PIEZO2: variants seen among roughly 807,000 people sequenced by gnomAD.
PIEZO2 encodes piezo-type mechanosensitive ion channel component 2.
In PIEZO2, 172 loss-of-function variants were observed where a neutral mutation model predicts 337.3. The observed-to-expected ratio is 0.51, with a 90% CI of 0.45 to 0.58. The LOEUF (loss-of-function observed/expected upper bound fraction) is 0.58, where lower values mean the gene tolerates loss of function less well. Among genes scored for constraint, PIEZO2 ranks in the 20% least tolerant of loss-of-function variants. The probability of loss-of-function intolerance (pLI) is 0.00; values close to 1 mark genes in which losing one functional copy is unlikely to be tolerated. For missense variants in PIEZO2, 3,028 were observed against 3,391.3 expected, an observed-to-expected ratio of 0.89 and a Z score of 2.66; for synonymous variants, 1,251 against 1,228.5, an observed-to-expected ratio of 1.02 and a Z score of -0.38.
intron 28 of PIEZO2, among the ~76,000 whole-genome samples, chr18:10,751,395 T>C (rs1453055663): frequency 6.6e-6 from 1 of 152,198 alleles, no homozygotes; most frequent in Non-Finnish European, 1.5e-5. Context: ...CAGAGTTCTG[T>C]TGTCCTGTCT....
chr18:10,782,348 A>G (rs1475026706), intron 17 of PIEZO2, among the ~76,000 whole-genome samples: 12 of 59,440 alleles, frequency 2.0e-4, no homozygotes, highest in African/African-American at 1.2e-3. Context: ...TAATTATAAT[A>G]TATTATAATT....
intron 49 of PIEZO2, among the ~76,000 whole-genome samples, chr18:10,689,079 A>G (rs183908638): frequency 2.5e-3 from 386 of 152,320 alleles, no homozygotes; most frequent in African/African-American, 8.8e-3. Context: ...AAGACATTTC[A>G]TATCACCCCA....
Position 10,819,351 on chromosome 18 carries a change from C to T in PIEZO2, c.918-12077G>A, listed in dbSNP as rs990933275. ...TTCTTAAAGTGTACATTTTCTCTTTCATTATTCTAATGAATATCTATTCAA... is the reference window on the plus strand; with the variant it reads ...TTCTTAAAGTGTACATTTTCTCTTTTATTATTCTAATGAATATCTATTCAA... On this transcript the variant is annotated intron_variant, in intron 7 of 55. Coordinates refer to ENST00000674853, the MANE Select transcript of PIEZO2 (RefSeq NM_001378183.1). This position sits in a 1 kb window ranked among gnomAD's most constrained non-coding sequence, Gnocchi z 4.3. Among the ~76,000 whole-genome samples the T allele has an allele frequency of 8.5e-5, 13 of 152,174 alleles. No homozygotes were observed. Among genetic ancestry groups the T allele is most frequent in the African/African-American group, 2.9e-4 (12 of 41,512 alleles).
chr18:10,770,284 A>C lies in PIEZO2; in HGVS notation c.2810T>G (p.Val937Gly), dbSNP rs1403190542. Residue 937 changes from valine (V) to glycine (G), a missense_variant, in exon 21 of 56, where the codon GTG becomes GGG. Coordinates refer to ENST00000674853, the MANE Select transcript of PIEZO2 (RefSeq NM_001378183.1). Reference protein sequence around the residue: ...TSDLRNKWHLVIDRLTVLFLK... With the variant: ...TSDLRNKWHLGIDRLTVLFLK... ...GAAGAGCACAGTGAGGCGGTCAATC[A>C]CCAGGTGCCATTTGTTCCTTAAGTC... 6.5e-7 allele frequency: 1 copy of C among 1,537,672 alleles called. No individual in the cohort carries two copies. The highest frequency in any genetic ancestry group is 8.7e-7 in the Non-Finnish European group (1 of 1,146,964).
At chr18:10,991,805 A>G (rs1350473995) in intron 2 of PIEZO2, among the ~76,000 whole-genome samples, 6 of 152,160 alleles carry the variant, frequency 3.9e-5, no homozygotes, top group Non-Finnish European at 5.9e-5. Flanking sequence ...GAATTGCCAC[A>G]CTGTCTTCCA....
At chr18:11,043,389 G>A (rs1002828745) in intron 2 of PIEZO2, among the ~76,000 whole-genome samples, 9 of 152,136 alleles carry the variant, frequency 5.9e-5, no homozygotes, top group African/African-American at 2.2e-4. Flanking sequence ...TGGTATAAAT[G>A]TCCCACGTAT....
intron 38 of PIEZO2, 84 bp from the exon 39 acceptor site, chr18:10,715,014 T>C: frequency 7.5e-7 from 1 of 1,341,782 alleles, no homozygotes; most frequent in Non-Finnish European, 1.0e-6. Flanking sequence ...CAGACAGCTT[T>C]TCATACCCAT....
In PIEZO2 at chr18:11,127,339, T is replaced by C. The variant is rs924705911; in HGVS notation, c.64+21186A>G. 3.3e-5 allele frequency among the ~76,000 whole-genome samples: 5 copies of C among 152,298 alleles called. No homozygotes were observed. In the East Asian group the frequency reaches 9.6e-4, roughly 29 times the overall value. On this transcript the variant is annotated intron_variant, in intron 1 of 55. Transcript: ENST00000674853. The surrounding 1 kb of genome is among the most constrained non-coding windows in gnomAD (Gnocchi z 4.5). The stretch of plus-strand genomic sequence containing the variant: ...TGGTTAATACTGAGTGTGAACTTGA[T>C]TGGATTGAAGGATACGATGTATTGA...
intron 7 of PIEZO2, among the ~76,000 whole-genome samples, chr18:10,818,636 C>T (rs1318273913): frequency 1.3e-5 from 2 of 152,272 alleles, no homozygotes; most frequent in Non-Finnish European, 2.9e-5. Context: ...AAAATTCTAT[C>T]TCATCTGTAC....
intron 4 of PIEZO2, among the ~76,000 whole-genome samples, chr18:10,898,325 G>A (rs1023116829): frequency 1.3e-5 from 2 of 152,196 alleles, no homozygotes; most frequent in Admixed American, 6.5e-5. Flanking sequence ...GGAGGCTGAG[G>A]GGGGAGAATG....
chr18:10,705,107 A>C (rs1306933733), intron 41 of PIEZO2, among the ~76,000 whole-genome samples: 2 of 152,208 alleles, frequency 1.3e-5, no homozygotes, highest in African/African-American at 4.8e-5. Context: ...CTTATTATAG[A>C]AAGAAATGTC....
intron 3 of PIEZO2, among the ~76,000 whole-genome samples, chr18:10,914,832 A>G (rs1256410693): frequency 6.6e-6 from 1 of 152,126 alleles, no homozygotes; most frequent in Non-Finnish European, 1.5e-5. Flanking sequence ...CACGGTAAAC[A>G]AACCTTGGAC....
intron 4 of PIEZO2, among the ~76,000 whole-genome samples, chr18:10,905,109 A>T (rs1187737466): frequency 6.6e-6 from 1 of 152,262 alleles, no homozygotes; most frequent in Non-Finnish European, 1.5e-5. Context: ...ACAAAATTTT[A>T]CATTATAATT....
Position 10,795,722 on chromosome 18 carries a change from G to A in PIEZO2, c.1528-720C>T, listed in dbSNP as rs562233516. Among the ~76,000 whole-genome samples, 1 of 152,256 alleles carries A rather than the reference G, an allele frequency of 6.6e-6. No homozygotes were observed. Among genetic ancestry groups the A allele is most frequent in the South Asian group, 2.1e-4 (1 of 4,824 alleles). Reference sequence around the variant, plus strand: ...GGTTCATCTGAGAAGCACCTGGACTGAGTGCCTGGGGAAACCGTGCCTAGG... The same window carrying A: ...GGTTCATCTGAGAAGCACCTGGACTAAGTGCCTGGGGAAACCGTGCCTAGG... On this transcript the variant is annotated intron_variant, in intron 12 of 55. Coordinates refer to ENST00000674853, the MANE Select transcript of PIEZO2 (RefSeq NM_001378183.1). This position sits in a 1 kb window ranked among gnomAD's most constrained non-coding sequence, Gnocchi z 4.4.
At position 10,716,090 on chromosome 18, in the gene PIEZO2, C is replaced by T. The variant is rs529277517; in HGVS notation, c.5090-274G>A. Reference sequence around the variant, plus strand: ...GCAGGGCGGCTCCCTGTGCAGCTGACCCTTGAACATGGGTTTGGACAGCGT... The same window carrying T: ...GCAGGGCGGCTCCCTGTGCAGCTGATCCTTGAACATGGGTTTGGACAGCGT... On this transcript the variant is annotated intron_variant, in intron 37 of 55. Transcript: ENST00000674853. This position sits in a 1 kb window ranked among gnomAD's most constrained non-coding sequence, Gnocchi z 4.1. Among the ~76,000 whole-genome samples, 8 of 152,268 alleles carry T rather than the reference C, an allele frequency of 5.3e-5. No homozygotes were observed. Among genetic ancestry groups the T allele is most frequent in the Non-Finnish European group, 8.8e-5 (6 of 68,022 alleles).
In PIEZO2 at chr18:10,945,922, G is replaced by T. The variant is rs570985779; in HGVS notation, c.286+33613C>A. Among the ~76,000 whole-genome samples, 4 of 152,258 alleles carry T rather than the reference G, an allele frequency of 2.6e-5. No individual in the cohort carries two copies. The highest frequency in any genetic ancestry group is 5.9e-5 in the Non-Finnish European group (4 of 68,020). ...GCAGATTAGACACTGCAAAAGAAAA[G>T]ATTAGTGAATGTGAGGATACAGCAT... On this transcript the variant is annotated intron_variant, in intron 3 of 55. Transcript: ENST00000674853. This position sits in a 1 kb window ranked among gnomAD's most constrained non-coding sequence, Gnocchi z 4.0.
rs556640280 is a variant in PIEZO2 at position 11,032,192 on chromosome 18, C to T, written c.160+33935G>A. ...AAATGCAAAACCCAAATGAACACAG[C>T]AGCAGAGAGCCTTATGTCTCAACAT... On this transcript the variant is annotated intron_variant, in intron 2 of 55. Coordinates refer to ENST00000674853, the MANE Select transcript of PIEZO2 (RefSeq NM_001378183.1). The surrounding 1 kb of genome is among the most constrained non-coding windows in gnomAD (Gnocchi z 4.9). 1.3e-5 allele frequency among the ~76,000 whole-genome samples: 2 copies of T among 152,174 alleles called. No homozygotes were observed. Among genetic ancestry groups the T allele is most frequent in the Non-Finnish European group, 2.9e-5 (2 of 68,030 alleles).
In PIEZO2 at chr18:10,831,922, C is replaced by T. The variant is rs954453512; in HGVS notation, c.917+23431G>A. 5.9e-5 allele frequency among the ~76,000 whole-genome samples: 9 copies of T among 152,136 alleles called. No individual in the cohort carries two copies. The South Asian group carries it at 1.0e-3, about 17-fold the overall frequency. ...AAATGTCCCTCTGGTCCCCAAGCTC[C>T]GTGATTCTCAGGCTACCATAGCTTG... On this transcript the variant is annotated intron_variant, in intron 7 of 55. Coordinates refer to ENST00000674853, the MANE Select transcript of PIEZO2 (RefSeq NM_001378183.1).
intron 4 of PIEZO2, among the ~76,000 whole-genome samples, chr18:10,875,189 G>T (rs1378869837): frequency 6.6e-6 from 1 of 152,088 alleles, no homozygotes; most frequent in African/African-American, 2.4e-5. Context: ...TTAAAAAAAT[G>T]CTTGTGTTAA....
Sources: gnomAD v4.1 joint callset for allele counts (sites outside exome capture counted in the v4.1 genomes callset) on GRCh38, gnomAD v4.1.1 for gene constraint, Gnocchi (gnomAD v3.1) non-coding constraint, MANE v1.5 for transcripts, NCBI Gene and HGNC (gene_info 2026-07-23, HGNC 2026-07-21) for gene names.